Variants in CTNNA3 observed in about 807,000 individuals in gnomAD.
CTNNA3 encodes catenin alpha 3.
CTNNA3 carries 76 observed loss-of-function variants against 95.7 expected under a neutral mutation model. The ratio of observed to expected loss-of-function variants is 0.79; its 90% CI spans 0.66 to 0.96. The LOEUF (loss-of-function observed/expected upper bound fraction) is 0.96, where lower values mean the gene tolerates loss of function less well. CTNNA3 is among the 40% of genes least tolerant of loss of function. The probability of loss-of-function intolerance (pLI) is 0.00; values close to 1 mark genes in which losing one functional copy is unlikely to be tolerated. For synonymous variants in CTNNA3, 431 were observed against 374.4 expected (o/e 1.15, Z -1.74); for missense variants, 1,191 against 1,089.8 (o/e 1.09, Z -1.31).
intron 1 of CTNNA3, among the ~76,000 whole-genome samples, chr10:67,750,030 A>G (rs1841396735): frequency 6.6e-6 from 1 of 151,996 alleles, no homozygotes; most frequent in South Asian, 2.1e-4. Context: ...GAGCTGTAAC[A>G]CTCGCCGTGA....
chr10:66,990,018 G>A (rs1394074763), intron 7 of CTNNA3, among the ~76,000 whole-genome samples: 2 of 152,144 alleles, frequency 1.3e-5, no homozygotes, highest in East Asian at 3.9e-4. Flanking sequence ...TATACGAAGA[G>A]AAATGCAATA....
intron 5 of CTNNA3, among the ~76,000 whole-genome samples, chr10:67,423,293 A>G (rs1845811259): frequency 6.6e-6 from 1 of 152,176 alleles, no homozygotes; most frequent in Non-Finnish European, 1.5e-5. Context: ...GGAGTAGCAC[A>G]CAACCTCAAT....
intron 1 of CTNNA3, among the ~76,000 whole-genome samples, chr10:67,662,751 G>A (rs1840224278): frequency 6.6e-6 from 1 of 152,154 alleles, no homozygotes; most frequent in African/African-American, 2.4e-5. Context: ...TTAGCATGTT[G>A]GGGATATTCT....
At chr10:66,890,290 C>G (rs573058077) in intron 7 of CTNNA3, among the ~76,000 whole-genome samples, 3 of 149,992 alleles carry the variant, frequency 2.0e-5, no homozygotes, top group Non-Finnish European at 4.4e-5. Context: ...GCTCATGGAA[C>G]GGAATAATAT....
chr10:66,782,768 AC>A (rs1178124260), intron 7 of CTNNA3, among the ~76,000 whole-genome samples: 1 of 152,192 alleles, frequency 6.6e-6, no homozygotes, highest in African/African-American at 2.4e-5. Flanking sequence ...TGTATTTTTA[AC>A]AAAAATAATA....
chr10:67,741,865 G>A (rs1841341650), intron 1 of CTNNA3, among the ~76,000 whole-genome samples: 1 of 151,152 alleles, frequency 6.6e-6, no homozygotes, highest in Admixed American at 6.6e-5. Context: ...CCTAGTCTCT[G>A]ATAAAACAGA....
At chr10:67,331,240 T>A (rs970422441) in intron 5 of CTNNA3, among the ~76,000 whole-genome samples, 1 of 152,102 alleles carries the variant, frequency 6.6e-6, no homozygotes, top group Non-Finnish European at 1.5e-5. Context: ...TGGCAAACTG[T>A]TTTTCTTCTT....
intron 9 of CTNNA3, among the ~76,000 whole-genome samples, chr10:66,644,949 C>T (rs1239292083): frequency 6.6e-6 from 1 of 152,142 alleles, no homozygotes; most frequent in African/African-American, 2.4e-5. Flanking sequence ...CACACAACCA[C>T]TAACTATTCC....
intron 10 of CTNNA3, among the ~76,000 whole-genome samples, chr10:66,592,612 T>C (rs914890029): frequency 6.6e-6 from 1 of 152,162 alleles, no homozygotes; most frequent in African/African-American, 2.4e-5. Context: ...TACAGAGTTA[T>C]AAGCAAAAGC....
At chr10:66,275,934 G>A (rs935034142) in intron 13 of CTNNA3, among the ~76,000 whole-genome samples, 6 of 152,066 alleles carry the variant, frequency 3.9e-5, no homozygotes, top group African/African-American at 1.4e-4. Context: ...CCATAAATCT[G>A]TTCATTCCTG....
intron 1 of CTNNA3, among the ~76,000 whole-genome samples, chr10:67,759,384 C>T (rs1564847767): frequency 6.6e-6 from 1 of 152,178 alleles, no homozygotes; most frequent in Non-Finnish European, 1.5e-5. Flanking sequence ...GTTGTCAAAC[C>T]TATTCCTTTT....
intron 1 of CTNNA3, among the ~76,000 whole-genome samples, chr10:67,733,338 T>A (rs190342320): frequency 4.1e-4 from 63 of 152,336 alleles, no homozygotes; most frequent in Non-Finnish European, 7.6e-4. Flanking sequence ...AGTCAGATCA[T>A]GACAAATCTA....
At chr10:66,568,106 T>C (rs1278109508) in intron 10 of CTNNA3, among the ~76,000 whole-genome samples, 1 of 152,204 alleles carries the variant, frequency 6.6e-6, no homozygotes, top group Non-Finnish European at 1.5e-5. Context: ...AGGTAGTAGG[T>C]AGCTTCTAAC....
At chr10:65,986,012 T>A (rs1240242242) in intron 16 of CTNNA3, among the ~76,000 whole-genome samples, 1 of 151,640 alleles carries the variant, frequency 6.6e-6, no homozygotes, top group African/African-American at 2.4e-5. Flanking sequence ...TATATTTCTG[T>A]ACTCATTAAA....
At chr10:67,442,489 C>A (rs1009402787) in intron 5 of CTNNA3, among the ~76,000 whole-genome samples, 13 of 151,850 alleles carry the variant, frequency 8.6e-5, no homozygotes, top group Non-Finnish European at 4.4e-5. Flanking sequence ...TACAAAAATA[C>A]ACATAGACTG....
At position 67,225,123 on chromosome 10, in the gene CTNNA3, C is replaced by T. The variant is rs893505605; in HGVS notation, c.580-5253G>A. On this transcript the variant is annotated intron_variant, in intron 5 of 17. Coordinates refer to ENST00000433211, the MANE Select transcript of CTNNA3 (RefSeq NM_013266.4). Reference sequence around the variant, plus strand: ...AGCTTTCCCCCACTTCCCTGACAACCTGGATGACTCAGGAGAGGCAGCCAT... The same window carrying T: ...AGCTTTCCCCCACTTCCCTGACAACTTGGATGACTCAGGAGAGGCAGCCAT... Among the ~76,000 whole-genome samples the T allele has an allele frequency of 2.6e-5, 4 of 152,108 alleles. No homozygotes were observed. In the South Asian group the frequency reaches 8.3e-4, roughly 31 times the overall value.
intron 11 of CTNNA3, among the ~76,000 whole-genome samples, chr10:66,432,254 A>C (rs2093303179): frequency 6.6e-6 from 1 of 152,226 alleles, no homozygotes; most frequent in Non-Finnish European, 1.5e-5. Context: ...TAACCTACTC[A>C]TCCAGAAGAA....
At chr10:67,718,671 TA>T (rs1255450928) in intron 1 of CTNNA3, among the ~76,000 whole-genome samples, 5 of 152,212 alleles carry the variant, frequency 3.3e-5, no homozygotes, top group African/African-American at 1.2e-4. Context: ...TTGATTGTGG[TA>T]GATAAGCTTT....
At chr10:67,381,462 G>A (rs1486689376) in intron 5 of CTNNA3, among the ~76,000 whole-genome samples, 2 of 152,026 alleles carry the variant, frequency 1.3e-5, no homozygotes, top group African/African-American at 4.8e-5. Flanking sequence ...TGAAAAAAAA[G>A]AAGTTTAATG....
Sources: allele counts gnomAD v4.1 joint callset (sites outside exome capture counted in the v4.1 genomes callset), GRCh38; gene constraint gnomAD v4.1.1; transcripts MANE v1.5; gene names NCBI Gene and HGNC (gene_info 2026-07-23, HGNC 2026-07-21).